Variants in TMEM135 observed in about 807,000 individuals in gnomAD.
TMEM135 encodes the protein transmembrane protein 135, also known as peroxisomal membrane protein 52.
In TMEM135, 30 loss-of-function variants were observed where a neutral mutation model predicts 60.3. The ratio of observed to expected loss-of-function variants is 0.50; its 90% CI spans 0.37 to 0.68. TMEM135 has a LOEUF of 0.68. Ranked by LOEUF, TMEM135 falls within the 30% of genes least tolerant of loss-of-function variation. The pLI, the probability that TMEM135 is intolerant of heterozygous loss-of-function variation, is 0.00. For synonymous variants in TMEM135, 190 were observed against 186.7 expected (o/e 1.02, Z -0.14); for missense variants, 468 against 548.8 (o/e 0.85, Z 1.47).
chr11:87,314,170 A>AT (rs545275461), intron 11 of TMEM135, among the ~76,000 whole-genome samples: 73 of 151,790 alleles, frequency 4.8e-4, no homozygotes, highest in African/African-American at 1.3e-3. Flanking sequence ...TTGAAAAATT[A>AT]TTTTTTTTAA....
chr11:87,312,651 A>G (rs1403636300), intron 10 of TMEM135, among the ~76,000 whole-genome samples: 2 of 151,790 alleles, frequency 1.3e-5, no homozygotes, highest in Non-Finnish European at 2.9e-5. Context: ...ACTTTATCAC[A>G]CTATAATTAG....
intron 4 of TMEM135, among the ~76,000 whole-genome samples, chr11:87,129,417 G>A (rs2375010): frequency 0.7 from 106,103 of 151,106 alleles, 37,595 homozygotes; most frequent in East Asian, 0.91. Flanking sequence ...TAATTTTTGT[G>A]TTTTTAGTAG....
At position 87,258,935 on chromosome 11, in the gene TMEM135, G is replaced by A. The variant is rs537017678; in HGVS notation, c.509+22251G>A. On this transcript the variant is annotated intron_variant, in intron 6 of 14. Coordinates refer to ENST00000305494, the MANE Select transcript of TMEM135 (RefSeq NM_022918.4). ...GGCCCTAGAAGTATCTGCTGCTGCTGCAGTTGCTGCTGTTGCTCGGTTTGC... is the reference window on the plus strand; with the variant it reads ...GGCCCTAGAAGTATCTGCTGCTGCTACAGTTGCTGCTGTTGCTCGGTTTGC... The A allele has an allele frequency of 3.3e-5, 48 of 1,435,922 alleles. No individual in the cohort carries two copies. The African/African-American group carries it at 5.9e-4, about 18-fold the overall frequency. 88.9% of individuals were successfully genotyped at this position (1,435,922 alleles called of 1,614,324 possible).
At chr11:87,205,645 A>G (rs1386612745) in intron 5 of TMEM135, among the ~76,000 whole-genome samples, 1 of 152,198 alleles carries the variant, frequency 6.6e-6, no homozygotes, top group African/African-American at 2.4e-5. Context: ...CAGCTTTTAA[A>G]AATTATTAAT....
At chr11:87,054,239 A>T (rs1437956136) in intron 1 of TMEM135, among the ~76,000 whole-genome samples, 1 of 152,102 alleles carries the variant, frequency 6.6e-6, no homozygotes. Context: ...GTTCGAGACC[A>T]GCCTGGCCAA....
chr11:87,217,274 A>G (rs1384663022), intron 5 of TMEM135, among the ~76,000 whole-genome samples: 2 of 152,198 alleles, frequency 1.3e-5, no homozygotes, highest in Non-Finnish European at 2.9e-5. Flanking sequence ...ACCATTGGGT[A>G]TACAGAATGT....
chr11:87,285,911 G>A (rs1043024350), intron 6 of TMEM135, among the ~76,000 whole-genome samples: 13 of 152,222 alleles, frequency 8.5e-5, no homozygotes, highest in South Asian at 4.1e-4. Flanking sequence ...TGATTGGTGC[G>A]TTTATAATCC....
At chr11:87,099,112 C>G (rs1392262625) in intron 4 of TMEM135, among the ~76,000 whole-genome samples, 1 of 152,174 alleles carries the variant, frequency 6.6e-6, no homozygotes, top group African/African-American at 2.4e-5. Context: ...TTTTTAGACA[C>G]TCACATGCTT....
chr11:87,077,551 T>C (rs1477028242), intron 3 of TMEM135, among the ~76,000 whole-genome samples: 2 of 152,260 alleles, frequency 1.3e-5, no homozygotes, highest in Non-Finnish European at 2.9e-5. Flanking sequence ...TTTCCCTTTT[T>C]GGGAACAATT....
At chr11:87,053,305 A>G (rs1206312777) in intron 1 of TMEM135, among the ~76,000 whole-genome samples, 6 of 151,938 alleles carry the variant, frequency 3.9e-5, no homozygotes, top group Admixed American at 2.6e-4. Context: ...ATATATATAT[A>G]TATGGATACT....
At chr11:87,213,403 C>T (rs1000552830) in intron 5 of TMEM135, among the ~76,000 whole-genome samples, 2 of 151,930 alleles carry the variant, frequency 1.3e-5, no homozygotes, top group Non-Finnish European at 2.9e-5. Context: ...AAAAAATGAC[C>T]GAGGGTACCT....
At chr11:87,113,540 C>G (rs1857805652) in intron 4 of TMEM135, among the ~76,000 whole-genome samples, 2 of 152,036 alleles carry the variant, frequency 1.3e-5, no homozygotes, top group Admixed American at 1.3e-4. Context: ...AGTTGGCTTT[C>G]TGTTCTTGTA....
Position 87,159,591 on chromosome 11 carries a change from G to A in TMEM135, c.462+2185G>A, listed in dbSNP as rs796656378. 9.8e-5 allele frequency among the ~76,000 whole-genome samples: 8 copies of A among 81,304 alleles called. No homozygotes were observed. In the East Asian group the frequency reaches 6.5e-3, roughly 66 times the overall value. 53.3% of individuals were successfully genotyped at this position (81,304 alleles called of 152,430 possible). On this transcript the variant is annotated intron_variant, in intron 5 of 14. Transcript: ENST00000305494. ...CAAAGATACTACTGAATACACACAC[G>A]CGCACACACACACACACACACACAC...
intron 5 of TMEM135, among the ~76,000 whole-genome samples, chr11:87,187,937 T>C (rs1014353586): frequency 1.3e-5 from 2 of 152,340 alleles, no homozygotes; most frequent in African/African-American, 2.4e-5. Flanking sequence ...GACTATATTA[T>C]ACTTAGAGAC....
At position 87,305,107 on chromosome 11, in the gene TMEM135, A is replaced by T. The variant is rs75861393; in HGVS notation, c.699-829A>T. ...TTTCAACTGAATTTTGAATTCTAAT[A>T]CTATATCATGTTTCTTTTCCAGATG... On this transcript the variant is annotated intron_variant, in intron 8 of 14. Coordinates refer to ENST00000305494, the MANE Select transcript of TMEM135 (RefSeq NM_022918.4). Among the ~76,000 whole-genome samples the T allele has an allele frequency of 4.6e-3, 694 of 152,300 alleles. 4 individuals carry two copies. Among genetic ancestry groups the T allele is most frequent in the African/African-American group, 0.016 (668 of 41,556 alleles).
At position 87,327,132 on chromosome 11, in the gene TMEM135, A is replaced by T; in HGVS notation, c.*5799A>T. The T allele has an allele frequency of 2.2e-6, 1 of 453,940 alleles. No homozygotes were observed. The highest frequency in any genetic ancestry group is 1.6e-5 in the South Asian group (1 of 64,474). 28.1% of individuals were successfully genotyped at this position (453,940 alleles called of 1,614,324 possible). ...TTTCTTCTTGTCCAGATACTTTTCC[A>T]ACCAGCCTTTACTCGGAGGTGTTCA... is the stretch of plus-strand genomic sequence containing the variant. On this transcript the variant is annotated 3_prime_UTR_variant, in exon 15 of 15. Coordinates refer to ENST00000305494, the MANE Select transcript of TMEM135 (RefSeq NM_022918.4).
At chr11:87,306,661 A>T (rs2135444730) in intron 9 of TMEM135, among the ~76,000 whole-genome samples, 1 of 151,744 alleles carries the variant, frequency 6.6e-6, no homozygotes, top group Admixed American at 6.6e-5. Flanking sequence ...GAAGAAAGTT[A>T]TTTTCTTTGC....
chr11:87,211,761 G>A (rs760746134), intron 5 of TMEM135, among the ~76,000 whole-genome samples: 2 of 152,078 alleles, frequency 1.3e-5, no homozygotes, highest in Non-Finnish European at 2.9e-5. Flanking sequence ...TGGCTAACAC[G>A]GTGAAACCCC....
At chr11:87,272,901 T>A (rs947409125) in intron 6 of TMEM135, among the ~76,000 whole-genome samples, 1 of 152,220 alleles carries the variant, frequency 6.6e-6, no homozygotes, top group African/African-American at 2.4e-5. Flanking sequence ...GTTCTTTTTT[T>A]AAAATGTCTT....
Sources: allele counts gnomAD v4.1 joint callset (sites outside exome capture counted in the v4.1 genomes callset), GRCh38; gene constraint gnomAD v4.1.1; transcripts MANE v1.5; gene names NCBI Gene and HGNC (gene_info 2026-07-23, HGNC 2026-07-21).